The following RNF185 variants were observed in gnomAD, a reference collection of about 807,000 sequenced individuals.
RNF185 encodes ring finger protein 185, also known as E3 ubiquitin-protein ligase RNF185.
Under a neutral mutation model 24.9 loss-of-function variants are expected in RNF185, and 13 were observed. The ratio of observed to expected loss-of-function variants is 0.52; its 90% CI spans 0.34 to 0.83. The LOEUF is 0.83. RNF185 is among the 40% of genes least tolerant of loss of function. RNF185 has a pLI of 0.01. For synonymous variants in RNF185, 79 were observed against 90.3 expected, an observed-to-expected ratio of 0.88 and a Z score of 0.71; for missense variants, 184 against 244.7, an observed-to-expected ratio of 0.75 and a Z score of 1.65.
In RNF185 at chr22:31,164,510, C is replaced by T. The variant is rs182899721; in HGVS notation, c.-49+4207C>T. Among the ~76,000 whole-genome samples, 1,035 of 151,932 alleles carry T rather than the reference C, an allele frequency of 6.8e-3. 9 individuals carry two copies. Among genetic ancestry groups the T allele is most frequent in the Non-Finnish European group, 1.0e-2 (678 of 67,984 alleles). Reference sequence around the variant, plus strand: ...TCCTTTTTCTGTTCCAGGACCCAATCCTGGATCCTACATCACATTTAGTTG... The same window carrying T: ...TCCTTTTTCTGTTCCAGGACCCAATTCTGGATCCTACATCACATTTAGTTG... On this transcript the variant is annotated intron_variant, in intron 1 of 6. Coordinates refer to ENST00000326132, the MANE Select transcript of RNF185 (RefSeq NM_152267.4).
intron 3 of RNF185, among the ~76,000 whole-genome samples, chr22:31,194,981 C>T (rs1260463640): frequency 6.6e-6 from 1 of 151,910 alleles, no homozygotes; most frequent in Non-Finnish European, 1.5e-5. Flanking sequence ...GAGACAGAGT[C>T]TTGCTCTGTT....
chr22:31,161,201 G>A (rs991585965), intron 1 of RNF185, among the ~76,000 whole-genome samples: 3 of 152,206 alleles, frequency 2.0e-5, no homozygotes, highest in South Asian at 4.1e-4. Flanking sequence ...GAACTTAAAT[G>A]GAAGAATCGT....
chr22:31,175,065 C>T (rs919805031), intron 1 of RNF185, among the ~76,000 whole-genome samples: 2 of 117,262 alleles, frequency 1.7e-5, no homozygotes, highest in Non-Finnish European at 3.4e-5. Flanking sequence ...GAGCGAGCCT[C>T]CGTCTCAAAT....
At position 31,204,518 on chromosome 22, in the gene RNF185, G is replaced by T; in HGVS notation, c.511G>T (p.Glu171Ter). 6.2e-7 allele frequency: 1 copy of T among 1,610,750 alleles called. No individual in the cohort carries two copies. Among genetic ancestry groups the T allele is most frequent in the Non-Finnish European group, 8.5e-7 (1 of 1,177,038 alleles). ...AVPGTPQYVD[E>*]QFLSRLFLFV... is the part of the protein sequence containing the mutation. Reference sequence around the variant, plus strand: ...CCCTGGGACACCCCAGTATGTGGACGAGCAGTTCCTGTCACGCCTCTTCCT... The same window carrying T: ...CCCTGGGACACCCCAGTATGTGGACTAGCAGTTCCTGTCACGCCTCTTCCT... Residue 171 changes from glutamate to a stop codon, truncating the protein, a stop_gained, in exon 7 of 7, where the codon GAG becomes TAG. Coordinates refer to ENST00000326132, the MANE Select transcript of RNF185 (RefSeq NM_152267.4). LOFTEE classifies it high-confidence loss of function.
chr22:31,171,739 C>T (rs1391222058), intron 1 of RNF185, among the ~76,000 whole-genome samples: 1 of 152,098 alleles, frequency 6.6e-6, no homozygotes, highest in Non-Finnish European at 1.5e-5. Flanking sequence ...GAGGCCGAGG[C>T]AAGCGGATCA....
At chr22:31,203,496 C>A (rs1229854427) in intron 6 of RNF185, among the ~76,000 whole-genome samples, 1 of 152,226 alleles carries the variant, frequency 6.6e-6, no homozygotes, top group African/African-American at 2.4e-5. Context: ...TATGTTTCAG[C>A]TGCTTCCTAC....
intron 1 of RNF185, among the ~76,000 whole-genome samples, chr22:31,164,675 C>CT (rs1189152632): frequency 6.6e-6 from 1 of 151,536 alleles, no homozygotes; most frequent in East Asian, 1.9e-4. Context: ...TGCAACCCCC[C>CT]TCCCGGGTTC....
At chr22:31,175,097 G>A (rs2047969027) in intron 1 of RNF185, among the ~76,000 whole-genome samples, 1 of 148,270 alleles carries the variant, frequency 6.7e-6, no homozygotes, top group South Asian at 2.1e-4. Flanking sequence ...AAAAAAAGTA[G>A]TGGACGAAAA....
Position 31,206,138 on chromosome 22 carries a change from A to G in RNF185, c.*1552A>G, listed in dbSNP as rs1217604383. On this transcript the variant is annotated 3_prime_UTR_variant, in exon 7 of 7. Transcript: ENST00000326132. Reference sequence around the variant, plus strand: ...CCCCATCTATTGCTTTTTCTCAATTATGACTGCATAGTTTATGGAAACAAA... The same window carrying G: ...CCCCATCTATTGCTTTTTCTCAATTGTGACTGCATAGTTTATGGAAACAAA... 1 of 154,038 alleles carries G rather than the reference A, an allele frequency of 6.5e-6. No homozygotes were observed. Among genetic ancestry groups the G allele is most frequent in the Non-Finnish European group, 1.5e-5 (1 of 68,188 alleles). 9.5% of individuals were successfully genotyped at this position (154,038 alleles called of 1,614,324 possible). A position where few individuals can be genotyped will look rare whatever the true frequency, so the allele number is the denominator to read the frequency against.
At chr22:31,175,739 A>G (rs988957669) in intron 1 of RNF185, among the ~76,000 whole-genome samples, 2 of 152,102 alleles carry the variant, frequency 1.3e-5, no homozygotes, top group African/African-American at 2.4e-5. Flanking sequence ...CTTTTGTTGT[A>G]CCTATTGAAT....
At chr22:31,164,042 G>A (rs1923754744) in intron 1 of RNF185, among the ~76,000 whole-genome samples, 2 of 150,980 alleles carry the variant, frequency 1.3e-5, no homozygotes, top group Non-Finnish European at 2.9e-5. Context: ...AATGCGGTGG[G>A]ACAGTCTCAG....
chr22:31,180,283 C>A (rs1484706566), intron 1 of RNF185, among the ~76,000 whole-genome samples: 1 of 151,946 alleles, frequency 6.6e-6, no homozygotes, highest in African/African-American at 2.4e-5. Flanking sequence ...GCCAACATGG[C>A]GAAACCCTGT....
At position 31,190,722 on chromosome 22, in the gene RNF185, G is replaced by C. The variant is rs1437412065; in HGVS notation, c.177-1962G>C. 2.6e-5 allele frequency among the ~76,000 whole-genome samples: 4 copies of C among 151,976 alleles called. No homozygotes were observed. In the East Asian group the frequency reaches 7.7e-4, roughly 29 times the overall value. Reference sequence around the variant, plus strand: ...AGGTTCAAGTGATTCTCGTGCTTCAGCCTCCTATGTAGCTGGGATTACAGG... The same window carrying C: ...AGGTTCAAGTGATTCTCGTGCTTCACCCTCCTATGTAGCTGGGATTACAGG... On this transcript the variant is annotated intron_variant, in intron 2 of 6. Coordinates refer to ENST00000326132, the MANE Select transcript of RNF185 (RefSeq NM_152267.4).
intron 1 of RNF185, among the ~76,000 whole-genome samples, chr22:31,170,162 T>C (rs1211445084): frequency 6.6e-6 from 1 of 152,074 alleles, no homozygotes; most frequent in African/African-American, 2.4e-5. Flanking sequence ...CCTTGTGATG[T>C]AACAGTGATG....
chr22:31,187,147 G>A lies in RNF185; in HGVS notation c.53G>A (p.Gly18Glu). The stretch of plus-strand genomic sequence containing the variant: ...GCATCTCCTGAGAACTCCAGTGCAG[G>A]GGGGCCCAGTGGGAGCAGCAATGGC... ...ASASPENSSA[G>E]GPSGSSNGAG... Residue 18 changes from glycine (G) to glutamate (E), a missense_variant, in exon 2 of 7, where the codon GGG becomes GAG. Gly to Glu is a moderately conservative substitution (Grantham distance 98). Transcript: ENST00000326132. 1 of 1,613,662 alleles carries A rather than the reference G, an allele frequency of 6.2e-7. No individual in the cohort carries two copies. The highest frequency in any genetic ancestry group is 8.5e-7 in the Non-Finnish European group (1 of 1,179,764).
chr22:31,179,842 G>A (rs999762258), intron 1 of RNF185, among the ~76,000 whole-genome samples: 2 of 152,182 alleles, frequency 1.3e-5, no homozygotes, highest in Admixed American at 6.5e-5. Flanking sequence ...AGTGGACCAG[G>A]TTACATGGTA....
intron 2 of RNF185, among the ~76,000 whole-genome samples, chr22:31,190,013 G>A (rs2048141321): frequency 6.6e-6 from 1 of 152,150 alleles, no homozygotes; most frequent in Non-Finnish European, 1.5e-5. Context: ...CTGTACTTTG[G>A]TTTCCTCATC....
intron 1 of RNF185, among the ~76,000 whole-genome samples, chr22:31,161,442 G>T (rs1923570470): frequency 6.6e-6 from 1 of 152,172 alleles, no homozygotes; most frequent in African/African-American, 2.4e-5. Flanking sequence ...CAATGCATCT[G>T]ACCTTACATA....
At chr22:31,172,442 T>C (rs1224333125) in intron 1 of RNF185, among the ~76,000 whole-genome samples, 1 of 150,744 alleles carries the variant, frequency 6.6e-6, no homozygotes, top group Non-Finnish European at 1.5e-5. Flanking sequence ...AGGCACTGTT[T>C]CATACTTATT....
Sources: gnomAD v4.1 joint callset for allele counts (sites outside exome capture counted in the v4.1 genomes callset) on GRCh38, gnomAD v4.1.1 for gene constraint, MANE v1.5 for transcripts, NCBI Gene and HGNC (gene_info 2026-07-23, HGNC 2026-07-21) for gene names.